Variants in DGKB observed in about 807,000 individuals in gnomAD.
DGKB encodes diacylglycerol kinase beta.
In DGKB, 67 loss-of-function variants were observed where a neutral mutation model predicts 114.3. That is an observed-to-expected ratio of 0.59 (90% CI 0.48 to 0.72). The LOEUF is 0.72. Ranked by LOEUF, DGKB falls within the 30% of genes least tolerant of loss-of-function variation. The pLI is 0.00. For missense variants in DGKB, 907 were observed against 975.2 expected (o/e 0.93, Z 0.93); for synonymous variants, 398 against 323.1 (o/e 1.23, Z -2.49).
Position 14,569,769 on chromosome 7 carries a change from T to A in DGKB, c.1770+4443A>T, listed in dbSNP as rs1798102872. Among the ~76,000 whole-genome samples, 2 of 132,132 alleles carry A rather than the reference T, an allele frequency of 1.5e-5. 1 individual carries two copies. The highest frequency in any genetic ancestry group is 5.6e-4 in the South Asian group (2 of 3,584). 86.7% of individuals were successfully genotyped at this position (132,132 alleles called of 152,430 possible). ...AGTTTGTTATAAAATCCAGCTCCAA[T>A]CTTGCATAGTTATATATTAAATGTA... On this transcript the variant is annotated intron_variant, in intron 20 of 25. Coordinates refer to ENST00000402815, the MANE Select transcript of DGKB (RefSeq NM_001350709.2).
chr7:14,315,910 G>C (rs985454785), intron 23 of DGKB, among the ~76,000 whole-genome samples: 1 of 151,586 alleles, frequency 6.6e-6, no homozygotes, highest in East Asian at 1.9e-4. Context: ...AAATGTAAAA[G>C]AACAGAAATT....
intron 21 of DGKB, among the ~76,000 whole-genome samples, chr7:14,356,988 C>G (rs573669419): frequency 1.3e-5 from 2 of 152,266 alleles, no homozygotes; most frequent in Non-Finnish European, 2.9e-5. Context: ...TGTTCTTTTA[C>G]ATTTGCTGAG....
At chr7:14,527,198 T>A (rs1262376322) in intron 20 of DGKB, among the ~76,000 whole-genome samples, 1 of 152,154 alleles carries the variant, frequency 6.6e-6, no homozygotes, top group African/African-American at 2.4e-5. Context: ...TAAAGCAAGT[T>A]ACTTAAATGA....
intron 21 of DGKB, among the ~76,000 whole-genome samples, chr7:14,414,975 T>G (rs899601666): frequency 6.6e-6 from 1 of 151,102 alleles, no homozygotes; most frequent in African/African-American, 2.4e-5. Flanking sequence ...CTTTCTGATG[T>G]GATCTATGTT....
chr7:14,712,283 C>G (rs1432236195), intron 6 of DGKB, among the ~76,000 whole-genome samples: 1 of 151,826 alleles, frequency 6.6e-6, no homozygotes, highest in Non-Finnish European at 1.5e-5. Flanking sequence ...TGTTCAGCAT[C>G]CAAATAATAT....
chr7:14,872,074 T>C (rs998473573), intron 1 of DGKB, among the ~76,000 whole-genome samples: 5 of 152,098 alleles, frequency 3.3e-5, no homozygotes, highest in Non-Finnish European at 5.9e-5. Context: ...GGTGATTCAC[T>C]AGATCTAAAA....
At chr7:14,967,535 G>T (rs1228778425) in intron 1 of DGKB, among the ~76,000 whole-genome samples, 1 of 151,322 alleles carries the variant, frequency 6.6e-6, no homozygotes, top group Non-Finnish European at 1.5e-5. Flanking sequence ...TGGCCAGGCT[G>T]GTCTTGAGCT....
At chr7:14,207,220 G>A (rs1437988672) in intron 23 of DGKB, among the ~76,000 whole-genome samples, 3 of 152,026 alleles carry the variant, frequency 2.0e-5, no homozygotes, top group Non-Finnish European at 2.9e-5. Flanking sequence ...CATATGATCC[G>A]ATAGCACCTG....
intron 23 of DGKB, among the ~76,000 whole-genome samples, chr7:14,258,868 A>G (rs10950515): frequency 0.46 from 70,289 of 152,032 alleles, 18,342 homozygotes; most frequent in Non-Finnish European, 0.59. Flanking sequence ...AAAAACATGT[A>G]ATTCTTCCTA....
At chr7:14,390,378 C>A (rs1487736024) in intron 21 of DGKB, among the ~76,000 whole-genome samples, 1 of 152,112 alleles carries the variant, frequency 6.6e-6, no homozygotes, top group African/African-American at 2.4e-5. Context: ...CTTGGCAATG[C>A]AGTTTTTGAG....
At chr7:14,728,061 GA>G (rs1830284079) in intron 5 of DGKB, among the ~76,000 whole-genome samples, 1 of 152,110 alleles carries the variant, frequency 6.6e-6, no homozygotes. Context: ...CAAATGCACA[GA>G]AAACATAAAA....
chr7:14,509,127 C>A (rs1211635838), intron 20 of DGKB, among the ~76,000 whole-genome samples: 3 of 152,066 alleles, frequency 2.0e-5, no homozygotes, highest in African/African-American at 7.2e-5. Context: ...GATTCCTGGT[C>A]AATTTATGTC....
At chr7:14,183,193 A>G (rs2128253160) in intron 23 of DGKB, among the ~76,000 whole-genome samples, 1 of 152,320 alleles carries the variant, frequency 6.6e-6, no homozygotes, top group East Asian at 1.9e-4. Context: ...CTGAGGACCA[A>G]GAATAAACTT....
chr7:14,933,910 G>T (rs1303538883), intron 1 of DGKB, among the ~76,000 whole-genome samples: 2 of 152,036 alleles, frequency 1.3e-5, no homozygotes, highest in Non-Finnish European at 2.9e-5. Flanking sequence ...TAGCACATAA[G>T]CCAAGAATCA....
chr7:14,216,838 G>GGTC (rs1789062763), intron 23 of DGKB, among the ~76,000 whole-genome samples: 1 of 151,510 alleles, frequency 6.6e-6, no homozygotes, highest in Non-Finnish European at 1.5e-5. Context: ...ATAACTTAAA[G>GGTC]GTCTTTTAAA....
intron 3 of DGKB, among the ~76,000 whole-genome samples, chr7:14,754,192 C>T (rs771155510): frequency 5.3e-5 from 8 of 151,942 alleles, no homozygotes; most frequent in Non-Finnish European, 7.4e-5. Context: ...TGCGTGGGGT[C>T]GGGGGGAGGC....
chr7:14,753,060 A>G (rs182660043), intron 4 of DGKB, among the ~76,000 whole-genome samples: 1 of 152,320 alleles, frequency 6.6e-6, no homozygotes, highest in Admixed American at 6.5e-5. Flanking sequence ...ATATTGTAAG[A>G]TGTAGGATCT....
chr7:14,775,461 A>G (rs1838015774), intron 2 of DGKB, among the ~76,000 whole-genome samples: 1 of 150,002 alleles, frequency 6.7e-6, no homozygotes. Context: ...TTTGCCATTG[A>G]AAGTGAAGGC....
At chr7:14,455,011 T>A (rs1832068972) in intron 21 of DGKB, among the ~76,000 whole-genome samples, 1 of 151,964 alleles carries the variant, frequency 6.6e-6, no homozygotes, top group Admixed American at 6.6e-5. Flanking sequence ...GAACCGAAGG[T>A]TTGTCTTTTT....
Sources: gnomAD v4.1 joint callset for allele counts (sites outside exome capture counted in the v4.1 genomes callset) on GRCh38, gnomAD v4.1.1 for gene constraint, MANE v1.5 for transcripts, NCBI Gene and HGNC (gene_info 2026-07-23, HGNC 2026-07-21) for gene names.